The following CNTNAP3B variants were observed in gnomAD, a reference collection of about 807,000 sequenced individuals.
CNTNAP3B encodes contactin associated protein family member 3B, also known as contactin-associated protein-like 3B.
In CNTNAP3B, 25 loss-of-function variants were observed where a neutral mutation model predicts 108.9. The observed-to-expected ratio is 0.23, with a 90% CI of 0.17 to 0.32. The LOEUF (loss-of-function observed/expected upper bound fraction) is 0.32. Among genes scored for constraint, CNTNAP3B ranks in the 10% least tolerant of loss-of-function variants. The pLI is 1.00. For synonymous variants in CNTNAP3B, 103 were observed against 473.4 expected (o/e 0.22, Z 10.16); for missense variants, 252 against 1,210.4 (o/e 0.21, Z 11.75).
At chr9:41,940,279 A>G (rs1484711430) in intron 13 of CNTNAP3B, among the ~76,000 whole-genome samples, 2 of 152,418 alleles carry the variant, frequency 1.3e-5, no homozygotes, top group Middle Eastern at 3.4e-3. Flanking sequence ...ACCCAAAAAT[A>G]TCGACACCAA....
In CNTNAP3B at chr9:42,102,056, G is replaced by GATAAATAA. The variant is rs772930176; in HGVS notation, c.196+2565_196+2572dup. Among the ~76,000 whole-genome samples the GATAAATAA allele has an allele frequency of 1.3e-3, 47 of 34,846 alleles. 2 individuals are homozygous for GATAAATAA. Among genetic ancestry groups the GATAAATAA allele is most frequent in the African/African-American group, 3.6e-3 (38 of 10,600 alleles). The allele number at this position is 34,846 out of a possible 152,430, so 22.9% of individuals were successfully genotyped here. The stretch of plus-strand genomic sequence containing the variant: ...TGGCAACACAGCAAGACTCCATCTC[G>GATAAATAA]ATAAATAAATAAATAAATAAATAAA... On this transcript the variant is annotated intron_variant, in intron 2 of 23. Transcript: ENST00000377561.
At chr9:42,115,534 C>G (rs1165371050) in intron 1 of CNTNAP3B, among the ~76,000 whole-genome samples, 1 of 138,498 alleles carries the variant, frequency 7.2e-6, no homozygotes, top group Non-Finnish European at 1.5e-5. Context: ...AAGGATCAGA[C>G]AGCAACATTT....
chr9:41,969,564 T>A (rs1334613865), intron 10 of CNTNAP3B, among the ~76,000 whole-genome samples: 1 of 151,652 alleles, frequency 6.6e-6, no homozygotes, highest in Non-Finnish European at 1.5e-5. Context: ...AAGGTGTATA[T>A]CTTCTAATAA....
chr9:42,054,582 A>G (rs1270705191), intron 3 of CNTNAP3B, among the ~76,000 whole-genome samples: 2 of 151,866 alleles, frequency 1.3e-5, no homozygotes, highest in East Asian at 3.9e-4. Flanking sequence ...AGTTACTCTT[A>G]GCCAGGTGCT....
intron 3 of CNTNAP3B, among the ~76,000 whole-genome samples, chr9:42,058,165 C>T: frequency 6.8e-6 from 1 of 146,878 alleles, no homozygotes; most frequent in East Asian, 2.0e-4. Flanking sequence ...AATAATACTG[C>T]AATGAACATG....
intron 14 of CNTNAP3B, among the ~76,000 whole-genome samples, chr9:41,931,565 G>A (rs1375877903): frequency 6.6e-6 from 1 of 151,750 alleles, no homozygotes; most frequent in African/African-American, 2.4e-5. Context: ...GGTAAAGAAA[G>A]CTTATTTCTA....
At chr9:41,931,493 T>C (rs1181789898) in intron 14 of CNTNAP3B, among the ~76,000 whole-genome samples, 25 of 152,278 alleles carry the variant, frequency 1.6e-4, no homozygotes, top group African/African-American at 5.8e-4. Flanking sequence ...AATTGGAAAA[T>C]ATAAAACTAA....
Position 42,099,241 on chromosome 9 carries a change from C to T in CNTNAP3B, c.196+5388G>A, listed in dbSNP as rs1452208042. On this transcript the variant is annotated intron_variant, in intron 2 of 23. Transcript: ENST00000377561. Reference sequence around the variant, plus strand: ...TTGTCATCAACTCATAACCAAATATCACAAATAGGCAGCATAATGGCCTCA... The same window carrying T: ...TTGTCATCAACTCATAACCAAATATTACAAATAGGCAGCATAATGGCCTCA... 3.2e-5 allele frequency among the ~76,000 whole-genome samples: 4 copies of T among 123,440 alleles called. 1 individual carries two copies. Among genetic ancestry groups the T allele is most frequent in the Non-Finnish European group, 6.8e-5 (4 of 58,962 alleles). 81.0% of individuals were successfully genotyped at this position (123,440 alleles called of 152,430 possible). A position where few individuals can be genotyped will look rare whatever the true frequency, so the allele number is the denominator to read the frequency against.
chr9:41,980,527 AT>A (rs1825608489), intron 9 of CNTNAP3B: 1 of 108,648 alleles, frequency 9.2e-6, no homozygotes, highest in African/African-American at 4.2e-5. Flanking sequence ...TGCAACCTTA[AT>A]TACATCTGCA....
At chr9:41,988,237 A>ATT (rs1472882130) in intron 8 of CNTNAP3B, among the ~76,000 whole-genome samples, 1 of 43,858 alleles carries the variant, frequency 2.3e-5, no homozygotes, top group Non-Finnish European at 4.8e-5. Context: ...ACCTTCTTTG[A>ATT]ATTTTTTTTT....
At chr9:41,929,750 G>A (rs1407626336) in intron 14 of CNTNAP3B, among the ~76,000 whole-genome samples, 2 of 133,686 alleles carry the variant, frequency 1.5e-5, no homozygotes, top group South Asian at 4.8e-4. Flanking sequence ...AAAAATTTTT[G>A]GATATGAAAT....
intron 2 of CNTNAP3B, among the ~76,000 whole-genome samples, chr9:42,090,973 T>TATATATAC (rs1207817338): frequency 2.6e-5 from 1 of 37,794 alleles, no homozygotes; most frequent in East Asian, 1.8e-3. Flanking sequence ...TATATATATA[T>TATATATAC]ACACACACAC....
intron 1 of CNTNAP3B, among the ~76,000 whole-genome samples, chr9:42,118,403 T>C (rs1196836436): frequency 7.2e-6 from 1 of 139,436 alleles, no homozygotes; most frequent in Non-Finnish European, 1.5e-5. Flanking sequence ...ATCCAGCATA[T>C]AAACAGAACC....
At chr9:42,060,063 T>C (rs1393351956) in intron 3 of CNTNAP3B, among the ~76,000 whole-genome samples, 1 of 149,004 alleles carries the variant, frequency 6.7e-6, no homozygotes, top group East Asian at 2.0e-4. Context: ...AGTACTGTGT[T>C]GAAAGAAGTG....
rs1381925988 is a variant in CNTNAP3B at position 41,935,095 on chromosome 9, A to G, written c.2237+3149T>C. 5.2e-5 allele frequency among the ~76,000 whole-genome samples: 8 copies of G among 152,408 alleles called. No homozygotes were observed. The East Asian group carries it at 1.5e-3, about 29-fold the overall frequency. On this transcript the variant is annotated intron_variant, in intron 14 of 23. Coordinates refer to ENST00000377561, the MANE Select transcript of CNTNAP3B (RefSeq NM_001201380.3). The stretch of plus-strand genomic sequence containing the variant: ...CATAGTCCACTATACATTTATACAC[A>G]TATATTGACTTGCAGCATAGTTCAA...
chr9:42,115,460 C>T (rs184523975), intron 1 of CNTNAP3B, among the ~76,000 whole-genome samples: 1 of 139,734 alleles, frequency 7.2e-6, no homozygotes, highest in East Asian at 2.2e-4. Context: ...GGAGACAACT[C>T]CCAGTAGGGG....
At chr9:42,043,874 T>TGAAA (rs1826812404) in intron 3 of CNTNAP3B, among the ~76,000 whole-genome samples, 1 of 98,046 alleles carries the variant, frequency 1.0e-5, no homozygotes, top group South Asian at 3.0e-4. Flanking sequence ...TTCCATAGTT[T>TGAAA]CAATTACCTG....
chr9:42,073,039 G>C (rs1353975287), intron 3 of CNTNAP3B, among the ~76,000 whole-genome samples: 1 of 139,914 alleles, frequency 7.1e-6, no homozygotes, highest in Non-Finnish European at 1.5e-5. Context: ...ATTTGGGTCT[G>C]CTTAGGGTTC....
At chr9:41,961,229 G>A (rs1293733934) in intron 11 of CNTNAP3B, among the ~76,000 whole-genome samples, 2 of 152,306 alleles carry the variant, frequency 1.3e-5, no homozygotes, top group African/African-American at 4.8e-5. Context: ...TGTGCTTACA[G>A]TGGGAATGCG....
Sources: allele counts gnomAD v4.1 joint callset (sites outside exome capture counted in the v4.1 genomes callset), GRCh38; gene constraint gnomAD v4.1.1; transcripts MANE v1.5; gene names NCBI Gene and HGNC (gene_info 2026-07-23, HGNC 2026-07-21).